AGBL1: variants seen among roughly 807,000 people sequenced by gnomAD.
The protein encoded by AGBL1 is cytosolic carboxypeptidase 4.
A neutral mutation model predicts 118.9 loss-of-function variants in AGBL1; 130 were observed. The ratio of observed to expected loss-of-function variants is 1.09; its 90% CI spans 0.95 to 1.26. The LOEUF is 1.26. Ranked by LOEUF, AGBL1 falls within the 50% of genes most tolerant of loss-of-function variation. The pLI, the probability that AGBL1 is intolerant of heterozygous loss-of-function variation, is 0.00. For synonymous variants in AGBL1, 555 were observed against 478.9 expected, an observed-to-expected ratio of 1.16 and a Z score of -2.08; for missense variants, 1,584 against 1,298.1, an observed-to-expected ratio of 1.22 and a Z score of -3.38.
intron 18 of AGBL1, among the ~76,000 whole-genome samples, chr15:86,504,799 A>G (rs1320413191): frequency 2.0e-5 from 3 of 151,734 alleles, no homozygotes; most frequent in Non-Finnish European, 4.4e-5. Context: ...AAATCAGGGA[A>G]GAAATTTTAT....
At chr15:86,477,028 A>G (rs1195366889) in intron 18 of AGBL1, among the ~76,000 whole-genome samples, 1 of 152,190 alleles carries the variant, frequency 6.6e-6, no homozygotes, top group East Asian at 1.9e-4. Flanking sequence ...GTTCTTTGAA[A>G]CCAATGAGAA....
intron 21 of AGBL1, among the ~76,000 whole-genome samples, chr15:86,612,919 A>G (rs181678810): frequency 1.3e-5 from 2 of 152,334 alleles, no homozygotes; most frequent in Non-Finnish European, 2.9e-5. Context: ...CCAATTGACA[A>G]TCAGGAAATC....
At chr15:86,554,711 A>G (rs541869870) in intron 21 of AGBL1, among the ~76,000 whole-genome samples, 174 bp downstream of exon 21, 7 of 152,258 alleles carry the variant, frequency 4.6e-5, no homozygotes, top group South Asian at 2.1e-4. Context: ...AGGATCATCT[A>G]TCTTGATCCT....
intron 21 of AGBL1, among the ~76,000 whole-genome samples, chr15:86,598,041 T>C (rs1448616524): frequency 2.0e-5 from 3 of 152,146 alleles, no homozygotes; most frequent in African/African-American, 7.2e-5. Context: ...TCATCATATT[T>C]TGTCTGGCTG....
Position 86,554,380 on chromosome 15 carries a change from A to G in AGBL1, c.2837A>G (p.Asp946Gly). ...VNYRTLPKIL[D>G]KLAPAFTMSS... ...CTGTAGACTCTTCCCAAAATCCTTG[A>G]TAAGCTAGCACCAGCATTCACAATG... The change falls in exon 21 of 23, where the codon GAT (aspartate) becomes GGT (glycine). Residue 946 changes from aspartate to glycine, a missense_variant. Coordinates refer to ENST00000614907, the MANE Select transcript of AGBL1 (RefSeq NM_001386094.1). 1 of 1,582,722 alleles carries G rather than the reference A, an allele frequency of 6.3e-7. No individual in the cohort carries two copies. The highest frequency in any genetic ancestry group is 1.2e-5 in the South Asian group (1 of 86,008).
intron 22 of AGBL1, among the ~76,000 whole-genome samples, chr15:86,815,747 A>C (rs1366370557): frequency 1.3e-5 from 2 of 152,106 alleles, no homozygotes; most frequent in South Asian, 4.1e-4. Context: ...CCCCAGCTCT[A>C]AGTAACACTC....
Position 86,198,969 on chromosome 15 carries a change from A to G in AGBL1, c.489-25945A>G, listed in dbSNP as rs370216070. ...AGAAAAAAATGAGATTCCTCTCTCT[A>G]TGACAATTCTAGCCTTGAAGATTGC... On this transcript the variant is annotated intron_variant, in intron 5 of 22. Coordinates refer to ENST00000614907, the MANE Select transcript of AGBL1 (RefSeq NM_001386094.1). Among the ~76,000 whole-genome samples, 6 of 152,338 alleles carry G rather than the reference A, an allele frequency of 3.9e-5. No homozygotes were observed. In the South Asian group the frequency reaches 1.0e-3, roughly 26 times the overall value.
In AGBL1 at chr15:86,909,086, A is replaced by G. The variant is rs554324640; in HGVS notation, c.*1792A>G. 1.3e-5 allele frequency: 2 copies of G among 152,254 alleles called. No homozygotes were observed. The highest frequency in any genetic ancestry group is 2.9e-5 in the Non-Finnish European group (2 of 68,052). 9.4% of individuals were successfully genotyped at this position (152,254 alleles called of 1,614,324 possible). A position where few individuals can be genotyped will look rare whatever the true frequency, so the allele number is the denominator to read the frequency against. ...AGGCAGTAGCAAGAAGAACACAAAA[A>G]GAAATGCCTGTTTTCTATCTTTCCA... On this transcript the variant is annotated 3_prime_UTR_variant, in exon 23 of 23. Transcript: ENST00000614907.
At chr15:86,638,018 T>C (rs909904129) in intron 21 of AGBL1, among the ~76,000 whole-genome samples, 2 of 152,174 alleles carry the variant, frequency 1.3e-5, no homozygotes, top group Non-Finnish European at 2.9e-5. Context: ...TGCTTCCTGA[T>C]AGGACCTCAG....
At chr15:86,750,048 T>C (rs539224603) in intron 22 of AGBL1, among the ~76,000 whole-genome samples, 50 of 152,266 alleles carry the variant, frequency 3.3e-4, no homozygotes, top group Non-Finnish European at 6.5e-4. Flanking sequence ...GAGGATTCCC[T>C]CTTTTTCTAT....
intron 22 of AGBL1, among the ~76,000 whole-genome samples, chr15:86,883,488 C>G (rs537609164): frequency 6.6e-6 from 1 of 152,200 alleles, no homozygotes; most frequent in African/African-American, 2.4e-5. Flanking sequence ...GAAAATCTCA[C>G]GTGTTCCTCT....
In AGBL1 at chr15:87,006,931, G is replaced by C. The variant is rs2081511112; in HGVS notation, c.3323+18843G>C. Among the ~76,000 whole-genome samples the C allele has an allele frequency of 1.3e-5, 2 of 152,142 alleles. 1 individual carries two copies. Among genetic ancestry groups the C allele is most frequent in the South Asian group, 4.1e-4 (2 of 4,822 alleles). On this transcript the variant is annotated intron_variant, in intron 24 of 24. Transcript: ENST00000441037. Reference sequence around the variant, plus strand: ...TCATGGGTGAGGAGTGAGACAGGGGGTTGAGCTTTAAGTAGGATGGGTTTT... The same window carrying C: ...TCATGGGTGAGGAGTGAGACAGGGGCTTGAGCTTTAAGTAGGATGGGTTTT...
chr15:86,340,589 T>C (rs538687816), intron 17 of AGBL1, among the ~76,000 whole-genome samples: 4 of 152,308 alleles, frequency 2.6e-5, no homozygotes, highest in South Asian at 2.1e-4. Flanking sequence ...AACTTCAGAA[T>C]GGGTGTGGCC....
At chr15:86,149,711 A>T (rs1401691801) in intron 3 of AGBL1, among the ~76,000 whole-genome samples, 1 of 152,232 alleles carries the variant, frequency 6.6e-6, no homozygotes, top group African/African-American at 2.4e-5. Context: ...AATATTAGAC[A>T]GATCAATGAG....
In AGBL1 at chr15:86,456,188, C is replaced by T. The variant is rs886373361; in HGVS notation, c.2555+58642C>T. Among the ~76,000 whole-genome samples the T allele has an allele frequency of 5.9e-5, 9 of 152,166 alleles. No individual in the cohort carries two copies. In the South Asian group the frequency reaches 1.0e-3, roughly 17 times the overall value. ...CAAGCAAAACAATGGCATAGCTTGT[C>T]TTTTATTGCTGCCAATCTGAGTTGG... On this transcript the variant is annotated intron_variant, in intron 18 of 22. Coordinates refer to ENST00000614907, the MANE Select transcript of AGBL1 (RefSeq NM_001386094.1).
At chr15:86,714,192 C>G (rs975259407) in intron 22 of AGBL1, among the ~76,000 whole-genome samples, 4 of 151,858 alleles carry the variant, frequency 2.6e-5, no homozygotes, top group African/African-American at 9.7e-5. Context: ...TGATAAGGGG[C>G]CCAAGAAATA....
At chr15:86,126,863 AGATTCCTG>A (rs1231188852) in intron 1 of AGBL1, among the ~76,000 whole-genome samples, 1 of 152,210 alleles carries the variant, frequency 6.6e-6, no homozygotes, top group Non-Finnish European at 1.5e-5. Flanking sequence ...CATAGCACTG[AGATTCCTG>A]GATATATTTG....
intron 17 of AGBL1, among the ~76,000 whole-genome samples, chr15:86,329,724 C>G (rs897214037): frequency 6.6e-6 from 1 of 152,172 alleles, no homozygotes; most frequent in Non-Finnish European, 1.5e-5. Context: ...CCTGAGCTGC[C>G]AAACTCTTTC....
chr15:86,719,596 A>G (rs1244916263), intron 22 of AGBL1, among the ~76,000 whole-genome samples: 1 of 151,682 alleles, frequency 6.6e-6, no homozygotes, highest in Non-Finnish European at 1.5e-5. Flanking sequence ...CAGTCATCCT[A>G]TCCTCCCTCC....
Sources: gnomAD v4.1 joint callset for allele counts (sites outside exome capture counted in the v4.1 genomes callset) on GRCh38, gnomAD v4.1.1 for gene constraint, MANE v1.5 for transcripts, NCBI Gene and HGNC (gene_info 2026-07-23, HGNC 2026-07-21) for gene names.